Variants in NBEA observed in about 807,000 individuals in gnomAD.
NBEA encodes the protein neurobeachin.
A neutral mutation model predicts 343.4 loss-of-function variants in NBEA; 44 were observed. That is an observed-to-expected ratio of 0.13 (90% confidence interval 0.10 to 0.16). The LOEUF (loss-of-function observed/expected upper bound fraction) is 0.16, where lower values mean the gene tolerates loss of function less well. NBEA is among the 10% of genes least tolerant of loss of function. NBEA has a pLI of 1.00. For missense variants in NBEA, 2,555 were observed against 3,631.3 expected (o/e 0.70, Z 7.62); for synonymous variants, 1,175 against 1,238.7 (o/e 0.95, Z 1.08).
chr13:35,126,905 G>T (rs1167966612), intron 17 of NBEA, among the ~76,000 whole-genome samples: 2 of 149,672 alleles, frequency 1.3e-5, no homozygotes, highest in African/African-American at 2.5e-5. Context: ...GGGAAGCAGA[G>T]GGAGACTCCA....
At chr13:35,530,726 T>C (rs1175954531) in intron 41 of NBEA, among the ~76,000 whole-genome samples, 1 of 144,880 alleles carries the variant, frequency 6.9e-6, no homozygotes, top group Non-Finnish European at 1.5e-5. Flanking sequence ...ATACTTAATC[T>C]ATTTCCATGG....
rs1270300562 is a variant in NBEA at position 35,560,318 on chromosome 13, CCTAA to C, written c.6922+5217_6922+5220del. On this transcript the variant is annotated intron_variant, in intron 44 of 58. Transcript: ENST00000379939. ...TTTAACTTATTAGCTGCTTTTAAAA[CCTAA>C]ATAATTAATGATTTAAAACAATTTT... 2.6e-5 allele frequency among the ~76,000 whole-genome samples: 4 copies of C among 152,274 alleles called. No individual in the cohort carries two copies. In the South Asian group the frequency reaches 8.3e-4, roughly 32 times the overall value.
At chr13:35,406,338 A>G (rs2043269596) in intron 38 of NBEA, among the ~76,000 whole-genome samples, 2 of 143,856 alleles carry the variant, frequency 1.4e-5, no homozygotes, top group Non-Finnish European at 3.0e-5. Context: ...TTTTGGGGGG[A>G]AAAGATGGTG....
intron 12 of NBEA, among the ~76,000 whole-genome samples, chr13:35,110,556 A>G (rs1366147523): frequency 2.0e-5 from 3 of 152,126 alleles, no homozygotes; most frequent in African/African-American, 7.2e-5. Context: ...AAATTATTAA[A>G]TCATTTTAAA....
chr13:35,232,441 A>G, intron 33 of NBEA, 51 bp from the exon 34 acceptor site: 1 of 1,198,312 alleles, frequency 8.3e-7, no homozygotes, highest in Non-Finnish European at 1.2e-6. Context: ...AGTTTATTTG[A>G]CATTTTATAT....
At chr13:35,316,292 T>C (rs1190427428) in intron 36 of NBEA, among the ~76,000 whole-genome samples, 1 of 152,012 alleles carries the variant, frequency 6.6e-6, no homozygotes, top group African/African-American at 2.4e-5. Context: ...CAGTGTGTGA[T>C]GTTCCCCTCC....
At chr13:35,577,160 A>C (rs2080781650) in intron 45 of NBEA, among the ~76,000 whole-genome samples, 2 of 152,304 alleles carry the variant, frequency 1.3e-5, no homozygotes, top group African/African-American at 4.8e-5. Context: ...AGCTTTTCCC[A>C]GATAGTTGCA....
At chr13:35,330,274 C>G (rs910351173) in intron 36 of NBEA, among the ~76,000 whole-genome samples, 6 of 152,046 alleles carry the variant, frequency 3.9e-5, no homozygotes, top group African/African-American at 1.4e-4. Context: ...ATTAAGTAAT[C>G]AGTTCTCAAT....
At chr13:35,464,843 T>C (rs1381112399) in intron 40 of NBEA, among the ~76,000 whole-genome samples, 1 of 152,206 alleles carries the variant, frequency 6.6e-6, no homozygotes. Context: ...GTAAAATGTA[T>C]GTCTTATACA....
intron 36 of NBEA, among the ~76,000 whole-genome samples, chr13:35,335,243 G>A (rs1430522291): frequency 1.3e-5 from 2 of 152,098 alleles, no homozygotes. Flanking sequence ...GGTTACTATA[G>A]CTCTGTAATA....
At chr13:35,229,076 G>A (rs999601365) in intron 33 of NBEA, among the ~76,000 whole-genome samples, 1 of 152,086 alleles carries the variant, frequency 6.6e-6, no homozygotes, top group Non-Finnish European at 1.5e-5. Flanking sequence ...TGTTACCCAG[G>A]CTAGAGTGTA....
intron 49 of NBEA, among the ~76,000 whole-genome samples, chr13:35,636,065 A>G (rs1265764344): frequency 6.6e-6 from 1 of 152,214 alleles, no homozygotes; most frequent in South Asian, 2.1e-4. Flanking sequence ...AAGGGTGAAA[A>G]TTGCAGCCTG....
At chr13:35,669,697 T>C (rs145798688) in intron 58 of NBEA, among the ~76,000 whole-genome samples, 46 of 152,336 alleles carry the variant, frequency 3.0e-4, no homozygotes, top group Non-Finnish European at 6.3e-4. Context: ...TTCCCTGATA[T>C]TCTTACTCGT....
chr13:35,313,825 G>C (rs1316874225), intron 36 of NBEA, among the ~76,000 whole-genome samples: 1 of 152,184 alleles, frequency 6.6e-6, no homozygotes. Flanking sequence ...TTGAGTTGAA[G>C]AGCTAGCCCA....
chr13:35,627,552 A>T (rs1199484519), intron 48 of NBEA, among the ~76,000 whole-genome samples: 3 of 152,110 alleles, frequency 2.0e-5, no homozygotes, highest in Non-Finnish European at 4.4e-5. Context: ...AGTGATTCCC[A>T]AACTGTGTAA....
intron 47 of NBEA, among the ~76,000 whole-genome samples, chr13:35,601,786 GAA>G (rs762146297): frequency 1.2e-4 from 7 of 58,706 alleles, no homozygotes; most frequent in African/African-American, 2.4e-4. Context: ...AAAAAAAAAA[GAA>G]AAAAAAAAAG....
At chr13:35,456,909 T>C (rs545606702) in intron 40 of NBEA, among the ~76,000 whole-genome samples, 1 of 151,906 alleles carries the variant, frequency 6.6e-6, no homozygotes, top group South Asian at 2.1e-4. Context: ...AACAGTTCTG[T>C]AAATTGTAAT....
At chr13:35,075,956 G>A (rs1460798926) in intron 10 of NBEA, among the ~76,000 whole-genome samples, 1 of 151,778 alleles carries the variant, frequency 6.6e-6, no homozygotes, top group Admixed American at 6.6e-5. Flanking sequence ...ATTATATACA[G>A]CGTTAAAATT....
At chr13:35,638,608 G>C (rs1201406741) in intron 49 of NBEA, among the ~76,000 whole-genome samples, 1 of 152,222 alleles carries the variant, frequency 6.6e-6, no homozygotes, top group Non-Finnish European at 1.5e-5. Context: ...AAGGTGTCCA[G>C]CTCACTGGTC....
Sources: gnomAD v4.1 joint callset for allele counts (sites outside exome capture counted in the v4.1 genomes callset) on GRCh38, gnomAD v4.1.1 for gene constraint, MANE v1.5 for transcripts, NCBI Gene and HGNC (gene_info 2026-07-23, HGNC 2026-07-21) for gene names.